Variants in SPECC1 observed in about 807,000 individuals in gnomAD.
SPECC1 encodes sperm antigen with calponin homology and coiled-coil domains 1.
A neutral mutation model predicts 104.1 loss-of-function variants in SPECC1; 62 were observed. That is an observed-to-expected ratio of 0.60 (90% CI 0.49 to 0.74). The LOEUF (loss-of-function observed/expected upper bound fraction) is 0.74. Among genes scored for constraint, SPECC1 ranks in the 30% least tolerant of loss-of-function variants. SPECC1 has a pLI of 0.00. For missense variants in SPECC1, 1,306 were observed against 1,310.5 expected (o/e 1.00, Z 0.05); for synonymous variants, 513 against 501.6 (o/e 1.02, Z -0.30).
chr17:20,021,250 G>C (rs187167283), intron 1 of SPECC1, among the ~76,000 whole-genome samples: 248 of 152,092 alleles, frequency 1.6e-3, no homozygotes, highest in Non-Finnish European at 2.8e-3. Flanking sequence ...GACACAGGCA[G>C]TTCAAACCTG....
At chr17:20,265,815 A>C (rs1275992648) in intron 12 of SPECC1, among the ~76,000 whole-genome samples, 2 of 152,336 alleles carry the variant, frequency 1.3e-5, no homozygotes, top group East Asian at 3.9e-4. Flanking sequence ...GCGTATGGTC[A>C]GCCAGTCATC....
chr17:20,236,940 A>T lies in SPECC1; in HGVS notation c.2351+4535A>T, dbSNP rs768365404. On this transcript the variant is annotated intron_variant, in intron 7 of 14. Transcript: ENST00000395527. ...CTTGCCATGATTGGGAGCCGCAGCCATCTCTAGATGAAAGGGGGAATGTGT... is the reference window on the plus strand; with the variant it reads ...CTTGCCATGATTGGGAGCCGCAGCCTTCTCTAGATGAAAGGGGGAATGTGT... 4 of 1,612,820 alleles carry T rather than the reference A, an allele frequency of 2.5e-6. No individual in the cohort carries two copies. The East Asian group carries it at 8.9e-5, about 36-fold the overall frequency.
intron 1 of SPECC1, among the ~76,000 whole-genome samples, chr17:20,081,043 T>C (rs892581595): frequency 6.6e-6 from 1 of 152,174 alleles, no homozygotes; most frequent in Non-Finnish European, 1.5e-5. Context: ...TCTCTCCCTC[T>C]TGTCATCTAG....
At chr17:20,098,628 G>C (rs1180423151) in intron 2 of SPECC1, among the ~76,000 whole-genome samples, 4 of 152,216 alleles carry the variant, frequency 2.6e-5, no homozygotes, top group African/African-American at 9.6e-5. Context: ...CTGGTGTTTG[G>C]TGACAGCTGT....
chr17:20,200,170 G>A (rs1431154528), intron 3 of SPECC1, among the ~76,000 whole-genome samples: 1 of 151,976 alleles, frequency 6.6e-6, no homozygotes, highest in South Asian at 2.1e-4. Context: ...CTAATTTATT[G>A]CACAGATGTA....
In SPECC1 at chr17:20,197,031, A is replaced by T. The variant is rs1022946087; in HGVS notation, c.284-7302A>T. On this transcript the variant is annotated intron_variant, in intron 3 of 14. Transcript: ENST00000395527. ...TAGACTTCTTTTATATAAACATTACACATAATATGTATATAGCTACCCAGA... is the reference window on the plus strand; with the variant it reads ...TAGACTTCTTTTATATAAACATTACTCATAATATGTATATAGCTACCCAGA... Among the ~76,000 whole-genome samples, 11 of 152,178 alleles carry T rather than the reference A, an allele frequency of 7.2e-5. 1 individual carries two copies. The highest frequency in any genetic ancestry group is 5.2e-4 in the Admixed American group (8 of 15,284).
intron 3 of SPECC1, among the ~76,000 whole-genome samples, chr17:20,147,742 T>C (rs2031601525): frequency 6.6e-6 from 1 of 152,168 alleles, no homozygotes; most frequent in South Asian, 2.1e-4. Context: ...ATGTATTATT[T>C]AAAAATGATA....
chr17:20,286,578 TA>T (rs1447730475), intron 12 of SPECC1, among the ~76,000 whole-genome samples: 2 of 152,086 alleles, frequency 1.3e-5, no homozygotes, highest in African/African-American at 4.8e-5. Context: ...CATCCAGGGG[TA>T]GGTCCTGGAG....
chr17:20,157,531 G>T (rs903372425), intron 3 of SPECC1, among the ~76,000 whole-genome samples: 1 of 152,124 alleles, frequency 6.6e-6, no homozygotes, highest in Non-Finnish European at 1.5e-5. Context: ...TTCGGTAAAG[G>T]ATTGGTAACA....
chr17:20,245,492 G>C (rs560877495), intron 7 of SPECC1, among the ~76,000 whole-genome samples: 7 of 152,222 alleles, frequency 4.6e-5, no homozygotes, highest in Admixed American at 3.9e-4. Flanking sequence ...TAGGAGAGCT[G>C]TGAGATTTCA....
chr17:20,317,273 T>TTTTTTTTTTTTTTTTTC lies in SPECC1; in HGVS notation c.*3215_*3216insTTTTTTTTTCTTTTTTT, dbSNP rs2042053608. The TTTTTTTTTTTTTTTTTC allele has an allele frequency of 6.6e-6, 1 of 151,798 alleles. No homozygotes were observed. The highest frequency in any genetic ancestry group is 7.1e-5 in the Admixed American group (1 of 13,992). 9.4% of individuals were successfully genotyped at this position (151,798 alleles called of 1,614,324 possible). Reference sequence around the variant, plus strand: ...TCTATAAAAAAATTTTTTTTTTTTTTTTTTTTTGAGAGAGCGTCTCACTTC... The same window carrying TTTTTTTTTTTTTTTTTC: ...TCTATAAAAAAATTTTTTTTTTTTTTTTTTTTTTTTTTTTTTCTTTTTTTGAGAGAGCGTCTCACTTC... On this transcript the variant is annotated 3_prime_UTR_variant, in exon 15 of 15. Coordinates refer to ENST00000395527, the MANE Select transcript of SPECC1 (RefSeq NM_001243439.2).
At chr17:20,041,779 A>G (rs531951144) in intron 1 of SPECC1, among the ~76,000 whole-genome samples, 2 of 150,448 alleles carry the variant, frequency 1.3e-5, no homozygotes, top group African/African-American at 4.9e-5. Flanking sequence ...GCCCACCACC[A>G]TGCCTTGCTA....
intron 3 of SPECC1, among the ~76,000 whole-genome samples, chr17:20,131,436 C>A (rs1453731869): frequency 6.6e-6 from 1 of 152,038 alleles, no homozygotes; most frequent in Non-Finnish European, 1.5e-5. Context: ...ACCTTGACCT[C>A]CCAGAGTGCC....
chr17:20,089,375 C>T (rs1412596909), intron 1 of SPECC1, among the ~76,000 whole-genome samples: 2 of 152,102 alleles, frequency 1.3e-5, no homozygotes, highest in African/African-American at 4.8e-5. Context: ...CCAGTAATCC[C>T]AGCATTTTGG....
At position 20,242,915 on chromosome 17, in the gene SPECC1, TATC is replaced by T. The variant is rs142763156; in HGVS notation, c.2352-3010_2352-3008del. 1.6e-3 allele frequency among the ~76,000 whole-genome samples: 242 copies of T among 152,350 alleles called. 1 individual carries two copies. The highest frequency in any genetic ancestry group is 5.7e-3 in the African/African-American group (236 of 41,582). The stretch of plus-strand genomic sequence containing the variant: ...TTGTTTTGCTGAAATTATCGATTAT[TATC>T]CCAGTTTTATATGCTGGGAGCAGGT... On this transcript the variant is annotated intron_variant, in intron 7 of 14. Coordinates refer to ENST00000395527, the MANE Select transcript of SPECC1 (RefSeq NM_001243439.2).
At chr17:20,259,988 T>C (rs1037122752) in intron 11 of SPECC1, among the ~76,000 whole-genome samples, 3 of 152,222 alleles carry the variant, frequency 2.0e-5, no homozygotes, top group African/African-American at 7.2e-5. Context: ...CCCAAATTTA[T>C]GATAGTCAGG....
intron 4 of SPECC1, among the ~76,000 whole-genome samples, chr17:20,215,264 G>A (rs563784926): frequency 6.6e-6 from 1 of 152,340 alleles, no homozygotes; most frequent in East Asian, 1.9e-4. Context: ...GTCAGAGGAG[G>A]TTGCGACTCT....
At position 20,307,460 on chromosome 17, in the gene SPECC1, A is replaced by G. The variant is rs181440332; in HGVS notation, c.3117+1378A>G. 1.4e-4 allele frequency among the ~76,000 whole-genome samples: 21 copies of G among 152,308 alleles called. 1 individual carries two copies. The highest frequency in any genetic ancestry group is 1.1e-3 in the Admixed American group (17 of 15,302). Reference sequence around the variant, plus strand: ...CAGGAAGAAGGGGAAGAGAGAGAGCAAGTGCCTCCTATCTTTCCCTTTAAA... The same window carrying G: ...CAGGAAGAAGGGGAAGAGAGAGAGCGAGTGCCTCCTATCTTTCCCTTTAAA... On this transcript the variant is annotated intron_variant, in intron 14 of 14. Transcript: ENST00000395527.
chr17:20,261,938 C>T (rs2526466), intron 12 of SPECC1, among the ~76,000 whole-genome samples: 61,272 of 152,090 alleles, frequency 0.4, 13,277 homozygotes, highest in East Asian at 0.8. Flanking sequence ...CATCATAGCC[C>T]TCAGTACTCC....
Sources: allele counts gnomAD v4.1 joint callset (sites outside exome capture counted in the v4.1 genomes callset), GRCh38; gene constraint gnomAD v4.1.1; transcripts MANE v1.5; gene names NCBI Gene and HGNC (gene_info 2026-07-23, HGNC 2026-07-21).